PPFIA2: variants seen among roughly 807,000 people sequenced by gnomAD.
PPFIA2 encodes liprin-alpha-2.
A neutral mutation model predicts 175.5 loss-of-function variants in PPFIA2; 46 were observed. The observed-to-expected ratio is 0.26, with a 90% CI of 0.21 to 0.34. The LOEUF (loss-of-function observed/expected upper bound fraction) is 0.34. PPFIA2 is among the 10% of genes least tolerant of loss of function. The pLI, the probability that PPFIA2 is intolerant of heterozygous loss-of-function variation, is 1.00. For synonymous variants in PPFIA2, 568 were observed against 511.4 expected (o/e 1.11, Z -1.49); for missense variants, 1,179 against 1,506.1 (o/e 0.78, Z 3.60).
At chr12:81,561,106 T>C (rs892306438) in intron 4 of PPFIA2, among the ~76,000 whole-genome samples, 20 of 152,280 alleles carry the variant, frequency 1.3e-4, no homozygotes, top group African/African-American at 4.6e-4. Flanking sequence ...GCATTCCAAA[T>C]TTTTTCCTAT....
At chr12:81,267,375 T>C (rs2037594563) in intron 29 of PPFIA2, 3 of 356,488 alleles carry the variant, frequency 8.4e-6, no homozygotes, top group Non-Finnish European at 1.6e-5. Context: ...TGAATCTATG[T>C]AGGTAGTTCT....
intron 4 of PPFIA2, among the ~76,000 whole-genome samples, chr12:81,667,939 G>A (rs2070668591): frequency 6.6e-6 from 1 of 152,016 alleles, no homozygotes; most frequent in African/African-American, 2.4e-5. Context: ...GCAGGGATAT[G>A]AAAGTGGGTT....
At chr12:81,367,624 C>T (rs939968972) in intron 13 of PPFIA2, among the ~76,000 whole-genome samples, 3 of 151,436 alleles carry the variant, frequency 2.0e-5, no homozygotes, top group Admixed American at 1.3e-4. Context: ...ACATCTACTG[C>T]AATGTGGAAT....
At chr12:81,660,604 C>T (rs375806730) in intron 4 of PPFIA2, among the ~76,000 whole-genome samples, 2 of 152,140 alleles carry the variant, frequency 1.3e-5, no homozygotes, top group East Asian at 3.8e-4. Flanking sequence ...GAGAAAGGAA[C>T]CAAGTTGGAA....
chr12:81,708,270 G>A (rs2153611703), intron 3 of PPFIA2, among the ~76,000 whole-genome samples: 1 of 151,928 alleles, frequency 6.6e-6, no homozygotes, highest in South Asian at 2.1e-4. Flanking sequence ...TTTTTAATTG[G>A]AAGAAAAATT....
At chr12:81,406,746 A>G (rs1002136768) in intron 7 of PPFIA2, among the ~76,000 whole-genome samples, 1 of 152,072 alleles carries the variant, frequency 6.6e-6, no homozygotes, top group African/African-American at 2.4e-5. Context: ...GGCATATTTT[A>G]TTGTATTATC....
intron 21 of PPFIA2, among the ~76,000 whole-genome samples, chr12:81,334,524 G>T (rs986054683): frequency 6.6e-6 from 1 of 151,232 alleles, no homozygotes; most frequent in Admixed American, 6.6e-5. Context: ...TCAACTCTGG[G>T]TCATAAATGC....
chr12:81,328,944 T>C (rs561152333), intron 21 of PPFIA2, among the ~76,000 whole-genome samples: 3 of 151,600 alleles, frequency 2.0e-5, no homozygotes, highest in African/African-American at 7.3e-5. Flanking sequence ...GCTGGGACTA[T>C]AGATGTGTGC....
chr12:81,467,337 G>C (rs963415475), intron 4 of PPFIA2, among the ~76,000 whole-genome samples: 1 of 152,086 alleles, frequency 6.6e-6, no homozygotes, highest in African/African-American at 2.4e-5. Context: ...TGTATATAAG[G>C]GTAGAGCCTA....
intron 28 of PPFIA2, among the ~76,000 whole-genome samples, chr12:81,274,638 T>A (rs1029335935): frequency 6.6e-6 from 1 of 152,208 alleles, no homozygotes; most frequent in African/African-American, 2.4e-5. Context: ...TAGAAATCAG[T>A]GTTGACTGCT....
At chr12:81,741,375 C>T (rs2082303901) in intron 3 of PPFIA2, among the ~76,000 whole-genome samples, 5 of 151,840 alleles carry the variant, frequency 3.3e-5, no homozygotes, top group Admixed American at 3.3e-4. Flanking sequence ...GCTAAACAAG[C>T]ATAGAGTAGA....
At chr12:81,390,101 G>T (rs939831739) in intron 8 of PPFIA2, among the ~76,000 whole-genome samples, 1 of 152,000 alleles carries the variant, frequency 6.6e-6, no homozygotes, top group Non-Finnish European at 1.5e-5. Context: ...TTCAAGTACC[G>T]TAGCATGTTA....
chr12:81,688,045 A>T (rs187278626), intron 3 of PPFIA2, among the ~76,000 whole-genome samples: 2 of 152,024 alleles, frequency 1.3e-5, no homozygotes, highest in Non-Finnish European at 2.9e-5. Context: ...AGGAAACCTA[A>T]GATTCATTTT....
chr12:81,649,128 T>C (rs1233331560), intron 4 of PPFIA2, among the ~76,000 whole-genome samples: 1 of 152,076 alleles, frequency 6.6e-6, no homozygotes, highest in Admixed American at 6.5e-5. Flanking sequence ...AAAATTAAAA[T>C]TGCTCTTTGA....
At chr12:81,424,024 T>A (rs1232106654) in intron 7 of PPFIA2, among the ~76,000 whole-genome samples, 1 of 152,034 alleles carries the variant, frequency 6.6e-6, no homozygotes. Flanking sequence ...TACTTAGCAA[T>A]AAACTTAATC....
Position 81,526,118 on chromosome 12 carries a change from T to C in PPFIA2, c.304-68252A>G, listed in dbSNP as rs548898239. On this transcript the variant is annotated intron_variant, in intron 4 of 32. Coordinates refer to ENST00000549396, the MANE Select transcript of PPFIA2 (RefSeq NM_003625.5). Reference sequence around the variant, plus strand: ...ATTTAGCCTTTTACATGCACCCCTGTAGTTTAAGGAAAGCCAATTAATCTC... The same window carrying C: ...ATTTAGCCTTTTACATGCACCCCTGCAGTTTAAGGAAAGCCAATTAATCTC... Among the ~76,000 whole-genome samples, 97 of 152,316 alleles carry C rather than the reference T, an allele frequency of 6.4e-4. 4 individuals carry two copies. The South Asian group carries it at 0.019, about 30-fold the overall frequency.
intron 6 of PPFIA2, among the ~76,000 whole-genome samples, chr12:81,443,333 C>T (rs2050580476): frequency 6.6e-6 from 1 of 152,014 alleles, no homozygotes; most frequent in South Asian, 2.1e-4. Flanking sequence ...TTCATTTCTT[C>T]TTTAGGCCAC....
At chr12:81,691,635 T>G (rs532260542) in intron 3 of PPFIA2, among the ~76,000 whole-genome samples, 9 of 152,270 alleles carry the variant, frequency 5.9e-5, no homozygotes, top group African/African-American at 2.2e-4. Flanking sequence ...GGAAGTATAT[T>G]AAGTTAGTCA....
intron 3 of PPFIA2, among the ~76,000 whole-genome samples, chr12:81,677,397 G>T (rs372828023): frequency 2.0e-5 from 3 of 151,740 alleles, no homozygotes; most frequent in Non-Finnish European, 4.4e-5. Flanking sequence ...GTAAATTATT[G>T]TTAACAACAG....
Sources: allele counts gnomAD v4.1 joint callset (sites outside exome capture counted in the v4.1 genomes callset), GRCh38; gene constraint gnomAD v4.1.1; transcripts MANE v1.5; gene names NCBI Gene and HGNC (gene_info 2026-07-23, HGNC 2026-07-21).